Variants in RNF213 observed in about 807,000 individuals in gnomAD.
The protein encoded by RNF213 is E3 ubiquitin-protein ligase RNF213.
RNF213 carries 341 observed loss-of-function variants against 514.4 expected under a neutral mutation model. The observed-to-expected ratio is 0.66, with a 90% CI of 0.61 to 0.73. RNF213 has a LOEUF of 0.73. Ranked by LOEUF, RNF213 falls within the 30% of genes least tolerant of loss-of-function variation. The pLI is 0.00. For missense variants in RNF213, 5,767 were observed against 6,615.6 expected (o/e 0.87, Z 4.45); for synonymous variants, 2,655 against 2,658.2 (o/e 1.00, Z 0.04).
intron 37 of RNF213, 86 bp from the exon 38 acceptor site, chr17:80,359,970 TGAGAA>T: frequency 7.2e-7 from 1 of 1,381,750 alleles, no homozygotes; most frequent in Non-Finnish European, 1.0e-6. Context: ...TTTTGAGGTC[TGAGAA>T]GAGCTGGCAT....
chr17:80,343,765 G>A lies in RNF213; in HGVS notation c.6184-92G>A, dbSNP rs1239270757. On this transcript the variant is annotated intron_variant, in intron 27 of 67. Coordinates refer to ENST00000582970, the MANE Select transcript of RNF213 (RefSeq NM_001256071.3). The surrounding 1 kb of genome is among the most constrained non-coding windows in gnomAD (Gnocchi z 4.3). ...GTTGATGTTGATCATCAGGATCATC[G>A]TGACAAAGAGCAAAATAAGGAGGGG... The A allele has an allele frequency of 1.8e-5, 24 of 1,337,608 alleles. No homozygotes were observed. In the East Asian group the frequency reaches 2.1e-4, roughly 12 times the overall value. 82.9% of individuals were successfully genotyped at this position (1,337,608 alleles called of 1,614,324 possible).
At position 80,347,752 on chromosome 17, in the gene RNF213, A is replaced by C; in HGVS notation, c.9417A>C (p.Lys3139Asn). The C allele has an allele frequency of 6.2e-7, 1 of 1,614,156 alleles. No individual in the cohort carries two copies. The highest frequency in any genetic ancestry group is 8.5e-7 in the Non-Finnish European group (1 of 1,180,034). The change falls in exon 29 of 68, where the codon AAA (lysine) becomes AAC (asparagine). Residue 3139 changes from lysine to asparagine, a missense_variant. Lys to Asn is a moderately conservative substitution (Grantham distance 94). This residue lies in a region of RNF213 where 919 missense variants were observed against 1,121.0 expected (regional missense o/e 0.82). Coordinates refer to ENST00000582970, the MANE Select transcript of RNF213 (RefSeq NM_001256071.3). This position sits in a 1 kb window ranked among gnomAD's most constrained non-coding sequence, Gnocchi z 7.2. ...TCGGTCTGGGGACCCACCGCGTCAAATGTCGGGTTCACCCCAACTTCCGCC... is the reference window on the plus strand; with the variant it reads ...TCGGTCTGGGGACCCACCGCGTCAACTGTCGGGTTCACCCCAACTTCCGCC... ...VDLGLGTHRV[K>N]CRVHPNFRLI...
intron 16 of RNF213, among the ~76,000 whole-genome samples, chr17:80,318,590 T>C (rs2046024212): frequency 2.0e-5 from 3 of 152,176 alleles, no homozygotes; most frequent in Admixed American, 2.0e-4. Context: ...TTTTTTTTTT[T>C]TGAGACGGGG....
At chr17:80,384,443 A>G (rs2080151335) in intron 59 of RNF213, among the ~76,000 whole-genome samples, 2 of 152,158 alleles carry the variant, frequency 1.3e-5, no homozygotes, top group Admixed American at 1.3e-4. Flanking sequence ...ACTTTCACCC[A>G]TTTGCACTTT....
In RNF213 at chr17:80,288,611, T is replaced by C; in HGVS notation, c.811-22T>C. On this transcript the variant is annotated intron_variant, in intron 4 of 67. Transcript: ENST00000582970. This position sits in a 1 kb window ranked among gnomAD's most constrained non-coding sequence, Gnocchi z 4.9. ...CCCTGGCCCATTTTGTCACCTTGGC[T>C]CTGGTGTTTGGGGTCTTTCAGGCAG... 6.2e-7 allele frequency: 1 copy of C among 1,614,106 alleles called. No individual in the cohort carries two copies. The highest frequency in any genetic ancestry group is 8.5e-7 in the Non-Finnish European group (1 of 1,180,024).
chr17:80,379,171 G>A (rs1011997543), intron 54 of RNF213, among the ~76,000 whole-genome samples: 4 of 152,172 alleles, frequency 2.6e-5, no homozygotes, highest in Non-Finnish European at 4.4e-5. Flanking sequence ...CCAGCCTGGA[G>A]GACAGAGCGA....
chr17:80,392,882 G>A (rs1020084218), intron 67 of RNF213, among the ~76,000 whole-genome samples: 4 of 152,220 alleles, frequency 2.6e-5, no homozygotes, highest in South Asian at 2.1e-4. Context: ...GAGCCACTGC[G>A]CCTGGCCTAG....
At chr17:80,261,201 C>G (rs2043404768) in intron 1 of RNF213, among the ~76,000 whole-genome samples, 1 of 152,088 alleles carries the variant, frequency 6.6e-6, no homozygotes, top group Non-Finnish European at 1.5e-5. Flanking sequence ...CTTTGCGCCC[C>G]GGCAGTGCTG....
chr17:80,383,151 T>C (rs1420294681), intron 58 of RNF213, 81 bp downstream of exon 58: 6 of 998,998 alleles, frequency 6.0e-6, no homozygotes, highest in Non-Finnish European at 9.5e-6. Flanking sequence ...GCTCCTTGCC[T>C]GTTGCCCCTC....
rs1208131861 is a variant in RNF213, at chr17:80,306,363, G to A, written c.2322G>A (p.Met774Ile). ...LLPLSHLVMYMENFIEHLGRF... is the reference protein window; with the variant it reads ...LLPLSHLVMYIENFIEHLGRF... ...CTCTGAGTCACCTGGTTATGTATATGGAAAACTTCATTGAGCACCTGGGTC... is the reference window on the plus strand; with the variant it reads ...CTCTGAGTCACCTGGTTATGTATATAGAAAACTTCATTGAGCACCTGGGTC... The change falls in exon 12 of 68, where the codon ATG becomes ATA. Residue 774 changes from methionine (M) to isoleucine (I), a missense_variant. Met to Ile is a conservative substitution (Grantham distance 10). Coordinates refer to ENST00000582970, the MANE Select transcript of RNF213 (RefSeq NM_001256071.3). The A allele has an allele frequency of 4.3e-6, 7 of 1,613,988 alleles. No homozygotes were observed. Among genetic ancestry groups the A allele is most frequent in the Non-Finnish European group, 5.1e-6 (6 of 1,180,032 alleles).
At chr17:80,354,394 C>T (rs1568119987) in intron 35 of RNF213, 47 bp from the exon 36 acceptor site, 4 of 1,613,692 alleles carry the variant, frequency 2.5e-6, no homozygotes, top group African/African-American at 2.7e-5. Context: ...CCGGAGCCAA[C>T]AGCTCAGCCA....
At position 80,353,268 on chromosome 17, in the gene RNF213, T is replaced by C; in HGVS notation, c.10423+209T>C. 2 of 799,500 alleles carry C rather than the reference T, an allele frequency of 2.5e-6. No homozygotes were observed. Among genetic ancestry groups the C allele is most frequent in the Non-Finnish European group, 4.1e-6 (2 of 493,422 alleles). 49.5% of individuals were successfully genotyped at this position (799,500 alleles called of 1,614,324 possible). On this transcript the variant is annotated intron_variant, in intron 33 of 67. Transcript: ENST00000582970. The surrounding 1 kb of genome is among the most constrained non-coding windows in gnomAD (Gnocchi z 5.0). ...CGCTTACCACAGGCTGAGGTAGAGC[T>C]CTGTGAGCAGGCCAGCCATGGAAGT...
At chr17:80,376,199 T>C in intron 51 of RNF213, 102 bp from the exon 52 acceptor site, 1 of 1,395,350 alleles carries the variant, frequency 7.2e-7, no homozygotes, top group Non-Finnish European at 1.0e-6. Context: ...TTTCTCCATA[T>C]TTACCTTGAT....
At chr17:80,374,399 A>G (rs1465840125) in intron 49 of RNF213, 59 bp from the exon 50 acceptor site, 30 of 1,610,718 alleles carry the variant, frequency 1.9e-5, no homozygotes, top group Non-Finnish European at 2.5e-5. Flanking sequence ...ACCCGTTCAG[A>G]CGGTTCTTTG....
chr17:80,315,639 G>C (rs1490544570), intron 15 of RNF213: 2 of 147,156 alleles, frequency 1.4e-5, no homozygotes, highest in East Asian at 2.0e-4. Flanking sequence ...TGATGGTGGT[G>C]GTGGTAATGG....
intron 14 of RNF213, 97 bp downstream of exon 14, chr17:80,309,268 T>G: frequency 7.1e-7 from 1 of 1,409,292 alleles, no homozygotes; most frequent in Non-Finnish European, 1.0e-6. Flanking sequence ...TCCCGGGTGC[T>G]GGGATGAGAT....
intron 3 of RNF213, among the ~76,000 whole-genome samples, chr17:80,280,430 T>A (rs1308084841): frequency 6.6e-6 from 1 of 152,130 alleles, no homozygotes; most frequent in African/African-American, 2.4e-5. Flanking sequence ...AACAGTAGTA[T>A]AGCTCTGAAT....
Position 80,361,794 on chromosome 17 carries a change from A to T in RNF213, c.11261A>T (p.Gln3754Leu). The change falls in exon 39 of 68, where the codon CAG becomes CTG. Residue 3754 changes from glutamine (Q) to leucine (L), a missense_variant. Physicochemically the swap from Gln to Leu is moderately radical, Grantham distance 113 (BLOSUM62 -2). Around this residue, in one of 13 missense-constraint regions of RNF213, gnomAD observed 355 missense variants for 358.0 expected, o/e 0.99. Coordinates refer to ENST00000582970, the MANE Select transcript of RNF213 (RefSeq NM_001256071.3). ...ACTCCTCTGGGCAGGTTTCTTGCCC[A>T]GCTCCATGGAGAGCCGCAGCAGGAA... ...QQTPLGRFLA[Q>L]LHGEPQQELL... 1 of 1,614,116 alleles carries T rather than the reference A, an allele frequency of 6.2e-7. No homozygotes were observed. Among genetic ancestry groups the T allele is most frequent in the Non-Finnish European group, 8.5e-7 (1 of 1,179,952 alleles).
chr17:80,354,317 A>G, intron 35 of RNF213, 124 bp from the exon 36 acceptor site: 1 of 1,533,194 alleles, frequency 6.5e-7, no homozygotes, highest in Non-Finnish European at 9.0e-7. Flanking sequence ...AGCATCTCTC[A>G]GATTTTGCTC....
Sources: gnomAD v4.1 joint callset for allele counts (sites outside exome capture counted in the v4.1 genomes callset) on GRCh38, gnomAD v4.1.1 for gene constraint, gnomAD v4.1.1 regional missense constraint, Gnocchi (gnomAD v3.1) non-coding constraint, MANE v1.5 for transcripts, NCBI Gene and HGNC (gene_info 2026-07-23, HGNC 2026-07-21) for gene names.